AVEN: variants seen among roughly 807,000 people sequenced by gnomAD.
The protein encoded by AVEN is cell death regulator Aven.
AVEN carries 41 observed loss-of-function variants against 38.1 expected under a neutral mutation model. The observed-to-expected ratio is 1.08, with a 90% confidence interval of 0.84 to 1.40. The LOEUF (loss-of-function observed/expected upper bound fraction) is 1.40, where lower values mean the gene tolerates loss of function less well. Ranked by LOEUF, AVEN falls within the 40% of genes most tolerant of loss-of-function variation. AVEN has a pLI of 0.00. For synonymous variants in AVEN, 206 were observed against 171.8 expected (o/e 1.20, Z -1.56); for missense variants, 605 against 438.8 (o/e 1.38, Z -3.38).
intron 2 of AVEN, among the ~76,000 whole-genome samples, chr15:33,989,096 G>A (rs1396226395): frequency 1.3e-5 from 2 of 151,690 alleles, no homozygotes; most frequent in African/African-American, 4.9e-5. Context: ...CAAGTTCCCT[G>A]TATCACCTCT....
At chr15:34,045,011 G>A (rs1265642509) in intron 5 of AVEN, among the ~76,000 whole-genome samples, 1 of 152,176 alleles carries the variant, frequency 6.6e-6, no homozygotes, top group Non-Finnish European at 1.5e-5. Flanking sequence ...TCGTGCCACT[G>A]CACTCCAGCC....
chr15:33,966,773 A>G (rs536702355), intron 2 of AVEN, among the ~76,000 whole-genome samples: 1 of 152,284 alleles, frequency 6.6e-6, no homozygotes, highest in Non-Finnish European at 1.5e-5. Flanking sequence ...TGGAAAAGTT[A>G]AGTGGACAGC....
At chr15:33,962,914 G>T (rs1247825526) in intron 2 of AVEN, among the ~76,000 whole-genome samples, 3 of 108,092 alleles carry the variant, frequency 2.8e-5, no homozygotes, top group Non-Finnish European at 5.2e-5. Context: ...AGCGAAACTC[G>T]TTCTCAAAAA....
intron 1 of AVEN, among the ~76,000 whole-genome samples, chr15:34,073,207 A>ATTTTTTTTTTTT (rs761265891): frequency 8.0e-5 from 9 of 111,852 alleles, no homozygotes; most frequent in African/African-American, 1.5e-4. Context: ...CGCCCGGCTA[A>ATTTTTTTTTTTT]TTTTTTTTTT....
At chr15:33,933,015 A>AG (rs112677782) in intron 2 of AVEN, among the ~76,000 whole-genome samples, 95,593 of 151,836 alleles carry the variant, frequency 0.63, 31,132 homozygotes, top group East Asian at 0.75. Flanking sequence ...ATGTGGGAGA[A>AG]GGGTAGCAAA....
intron 2 of AVEN, chr15:34,066,963 G>A (rs1436666581): frequency 3.9e-5 from 6 of 152,122 alleles, no homozygotes; most frequent in Admixed American, 6.5e-5. Flanking sequence ...ATAGAATAGC[G>A]GCTTTAGTGG....
chr15:33,926,020 G>A (rs1739634846), intron 2 of AVEN, among the ~76,000 whole-genome samples: 1 of 152,100 alleles, frequency 6.6e-6, no homozygotes, highest in Non-Finnish European at 1.5e-5. Context: ...TTTCCAAGAC[G>A]CCATTTTCAT....
chr15:33,997,447 C>G (rs1896979866), intron 2 of AVEN, among the ~76,000 whole-genome samples: 1 of 152,118 alleles, frequency 6.6e-6, no homozygotes, highest in African/African-American at 2.4e-5. Context: ...ACTAAAAACT[C>G]CAAAGACGAG....
chr15:33,854,536 G>C, downstream of AVEN: 2 of 1,191,318 alleles, frequency 1.7e-6, no homozygotes, highest in Non-Finnish European at 2.4e-6. Flanking sequence ...GCTCAGAAGG[G>C]TTCAGGGATT....
chr15:33,886,981 A>C (rs1891729842), intron 2 of AVEN, among the ~76,000 whole-genome samples: 1 of 152,238 alleles, frequency 6.6e-6, no homozygotes, highest in Non-Finnish European at 1.5e-5. Flanking sequence ...AAGGGGGCAG[A>C]AGGCATGCAG....
At chr15:33,971,062 T>C (rs1254719909) in intron 2 of AVEN, among the ~76,000 whole-genome samples, 1 of 152,020 alleles carries the variant, frequency 6.6e-6, no homozygotes, top group African/African-American at 2.4e-5. Flanking sequence ...CTGTATTTTC[T>C]TCATGTAGGG....
chr15:33,943,989 C>T (rs1002404951), intron 2 of AVEN, among the ~76,000 whole-genome samples: 1 of 151,992 alleles, frequency 6.6e-6, no homozygotes, highest in African/African-American at 2.4e-5. Flanking sequence ...TCTCCTCAGC[C>T]TCATAAAGGG....
chr15:34,069,689 T>G (rs1900591701), intron 2 of AVEN, among the ~76,000 whole-genome samples: 2 of 152,236 alleles, frequency 1.3e-5, no homozygotes, highest in African/African-American at 4.8e-5. Context: ...ATAATTTTTT[T>G]ATCTTCAGAT....
intron 2 of AVEN, among the ~76,000 whole-genome samples, chr15:33,949,006 T>C (rs117077172): frequency 0.019 from 2,928 of 151,458 alleles, 45 homozygotes; most frequent in Non-Finnish European, 0.03. Context: ...GACAATTCAA[T>C]TCAACTCATT....
chr15:33,912,422 C>A (rs1892951129), intron 2 of AVEN, among the ~76,000 whole-genome samples: 1 of 152,118 alleles, frequency 6.6e-6, no homozygotes, highest in Admixed American at 6.5e-5. Flanking sequence ...ATAACCTCAA[C>A]TATGTAAAAT....
chr15:34,010,900 T>C (rs1471672509), intron 1 of AVEN, among the ~76,000 whole-genome samples: 1 of 152,240 alleles, frequency 6.6e-6, no homozygotes, highest in Non-Finnish European at 1.5e-5. Context: ...ATTTTTATCT[T>C]ATATAATCAT....
chr15:34,010,236 T>C (rs900382234), intron 1 of AVEN, among the ~76,000 whole-genome samples: 1 of 152,164 alleles, frequency 6.6e-6, no homozygotes, highest in East Asian at 1.9e-4. Context: ...TTTACATTAA[T>C]TTATAATCTG....
At chr15:33,945,653 T>C (rs538156328) in intron 2 of AVEN, among the ~76,000 whole-genome samples, 2 of 152,214 alleles carry the variant, frequency 1.3e-5, no homozygotes, top group East Asian at 3.9e-4. Flanking sequence ...TCGCGCAATC[T>C]CAGCTCACTG....
chr15:33,976,900 C>T (rs999460939), intron 2 of AVEN, among the ~76,000 whole-genome samples: 4 of 152,116 alleles, frequency 2.6e-5, no homozygotes, highest in Admixed American at 6.5e-5. Flanking sequence ...GTCAGCCAGC[C>T]TCCTGTGGTA....
Sources: allele counts gnomAD v4.1 joint callset (sites outside exome capture counted in the v4.1 genomes callset), GRCh38; gene constraint gnomAD v4.1.1; transcripts MANE v1.5; gene names NCBI Gene and HGNC (gene_info 2026-07-23, HGNC 2026-07-21).